FGF14: variants seen among roughly 807,000 people sequenced by gnomAD.
FGF14 encodes the protein fibroblast growth factor 14.
FGF14 carries 5 observed loss-of-function variants against 25.5 expected under a neutral mutation model. The observed-to-expected ratio is 0.20, with a 90% CI of 0.10 to 0.41. The LOEUF is 0.41. Among genes scored for constraint, FGF14 ranks in the 10% least tolerant of loss-of-function variants. The probability of loss-of-function intolerance (pLI) is 1.00; values close to 1 mark genes in which losing one functional copy is unlikely to be tolerated. For synonymous variants in FGF14, 138 were observed against 118.3 expected (o/e 1.17, Z -1.08); for missense variants, 222 against 320.1 (o/e 0.69, Z 2.34).
chr13:101,856,872 C>A (rs2044152777), intron 3 of FGF14, among the ~76,000 whole-genome samples: 1 of 151,930 alleles, frequency 6.6e-6, no homozygotes, highest in Non-Finnish European at 1.5e-5. Context: ...CACAGTATTG[C>A]CCACCATAGA....
intron 1 of FGF14, among the ~76,000 whole-genome samples, chr13:102,148,642 C>T (rs533280973): frequency 3.9e-4 from 59 of 152,260 alleles, no homozygotes; most frequent in African/African-American, 1.4e-3. Flanking sequence ...AACCCCGTCT[C>T]TACCAAAATA....
At chr13:102,125,496 T>C (rs2045915093) in intron 1 of FGF14, among the ~76,000 whole-genome samples, 1 of 152,112 alleles carries the variant, frequency 6.6e-6, no homozygotes, top group African/African-American at 2.4e-5. Context: ...AACTGGCCCA[T>C]GAATTAACAT....
intron 3 of FGF14, among the ~76,000 whole-genome samples, chr13:101,839,949 T>C (rs2043116612): frequency 3.9e-5 from 6 of 151,998 alleles, no homozygotes; most frequent in Admixed American, 3.9e-4. Flanking sequence ...AAAATCAATT[T>C]CACTCGGGAA....
upstream of FGF14, chr13:102,401,907 C>G (rs770025148): frequency 1.7e-6 from 1 of 583,116 alleles, no homozygotes; most frequent in Non-Finnish European, 3.0e-6. Flanking sequence ...TCAGGGAGAA[C>G]AGTAATGCAC....
chr13:102,151,533 C>G (rs1436811425), intron 1 of FGF14, among the ~76,000 whole-genome samples: 12 of 152,194 alleles, frequency 7.9e-5, no homozygotes, highest in Admixed American at 4.6e-4. Flanking sequence ...GAGTTTCACT[C>G]TTGTTGTCCA....
At chr13:101,980,593 G>T (rs530462892) in intron 1 of FGF14, among the ~76,000 whole-genome samples, 139 of 152,282 alleles carry the variant, frequency 9.1e-4, no homozygotes, top group African/African-American at 3.2e-3. Context: ...GCAGCTGCCT[G>T]CTTGAAAACA....
intron 3 of FGF14, among the ~76,000 whole-genome samples, chr13:101,782,385 T>C (rs768662979): frequency 6.6e-6 from 1 of 152,218 alleles, no homozygotes; most frequent in Non-Finnish European, 1.5e-5. Flanking sequence ...GTGGTTTTAT[T>C]TTGTATTTTA....
chr13:102,081,144 A>T (rs2043599536), intron 1 of FGF14, among the ~76,000 whole-genome samples: 2 of 152,368 alleles, frequency 1.3e-5, no homozygotes, highest in East Asian at 3.9e-4. Flanking sequence ...GAATTAATGT[A>T]CTTGAGAATG....
intron 3 of FGF14, among the ~76,000 whole-genome samples, chr13:101,748,160 C>A (rs1233432003): frequency 6.6e-6 from 1 of 151,862 alleles, no homozygotes; most frequent in Non-Finnish European, 1.5e-5. Flanking sequence ...AAAAAAGACA[C>A]CTGGACTTTT....
chr13:101,959,141 C>T (rs1057356950), intron 1 of FGF14, among the ~76,000 whole-genome samples: 1 of 152,066 alleles, frequency 6.6e-6, no homozygotes, highest in Non-Finnish European at 1.5e-5. Context: ...AACCTAGATC[C>T]CTCGCATGCA....
chr13:102,094,018 G>T (rs1210970451), intron 1 of FGF14, among the ~76,000 whole-genome samples: 1 of 147,828 alleles, frequency 6.8e-6, no homozygotes, highest in Non-Finnish European at 1.5e-5. Context: ...AAAAAGCAAA[G>T]TCATGGTATG....
At chr13:101,960,528 C>G (rs1195926762) in intron 1 of FGF14, among the ~76,000 whole-genome samples, 2 of 152,136 alleles carry the variant, frequency 1.3e-5, no homozygotes, top group African/African-American at 4.8e-5. Flanking sequence ...GATCCCATTC[C>G]TTTTTATGGC....
chr13:101,839,974 T>C (rs1171777275), intron 3 of FGF14, among the ~76,000 whole-genome samples: 1 of 151,958 alleles, frequency 6.6e-6, no homozygotes, highest in Non-Finnish European at 1.5e-5. Context: ...GGCTGATCTG[T>C]TTTTGTGTCC....
At chr13:102,265,505 A>T (rs1244836237) in intron 1 of FGF14, among the ~76,000 whole-genome samples, 1 of 152,210 alleles carries the variant, frequency 6.6e-6, no homozygotes, top group Non-Finnish European at 1.5e-5. Flanking sequence ...GTTTTCTTCC[A>T]TATGGAAAAA....
rs1369054129 is a variant in FGF14, at chr13:101,715,163, C to G, written c.*7668G>C. On this transcript the variant is annotated 3_prime_UTR_variant, in exon 5 of 5. Transcript: ENST00000376143. Reference sequence around the variant, plus strand: ...TGTCATTAAGTTAGACCTTTGCTTTCTGCCCATCCTTACTACGTAAGACTC... The same window carrying G: ...TGTCATTAAGTTAGACCTTTGCTTTGTGCCCATCCTTACTACGTAAGACTC... The G allele has an allele frequency of 5.8e-6, 1 of 171,936 alleles. No individual in the cohort carries two copies. The highest frequency in any genetic ancestry group is 2.4e-5 in the African/African-American group (1 of 42,030). 10.7% of individuals were successfully genotyped at this position (171,936 alleles called of 1,614,324 possible). A position where few individuals can be genotyped will look rare whatever the true frequency, so the allele number is the denominator to read the frequency against.
intron 1 of FGF14, among the ~76,000 whole-genome samples, chr13:102,343,115 A>G (rs894338623): frequency 1.3e-5 from 2 of 152,152 alleles, no homozygotes; most frequent in African/African-American, 4.8e-5. Flanking sequence ...TTATAAATCA[A>G]CTCAACTAAT....
chr13:101,973,895 G>T (rs912780960), intron 1 of FGF14, among the ~76,000 whole-genome samples: 3 of 152,132 alleles, frequency 2.0e-5, no homozygotes, highest in Non-Finnish European at 4.4e-5. Flanking sequence ...CCAATTTGAT[G>T]GTTGATGTTA....
intron 1 of FGF14, among the ~76,000 whole-genome samples, chr13:102,104,421 C>T (rs907459222): frequency 6.6e-6 from 1 of 152,142 alleles, no homozygotes; most frequent in African/African-American, 2.4e-5. Context: ...CAATTAGTGG[C>T]ATTTATTTAC....
At chr13:102,207,864 A>G (rs1489585448) in intron 1 of FGF14, among the ~76,000 whole-genome samples, 2 of 144,952 alleles carry the variant, frequency 1.4e-5, no homozygotes, top group South Asian at 2.2e-4. Flanking sequence ...TTCTTACCCA[A>G]TGATAGAAGA....
Sources: gnomAD v4.1 joint callset for allele counts (sites outside exome capture counted in the v4.1 genomes callset) on GRCh38, gnomAD v4.1.1 for gene constraint, MANE v1.5 for transcripts, NCBI Gene and HGNC (gene_info 2026-07-23, HGNC 2026-07-21) for gene names.